C9orf50: variants seen among roughly 807,000 people sequenced by gnomAD.
C9orf50 encodes the protein chromosome 9 open reading frame 50.
C9orf50 carries 33 observed loss-of-function variants against 42.5 expected under a neutral mutation model. That is an observed-to-expected ratio of 0.78 (90% CI 0.59 to 1.04). The LOEUF is 1.04. Among genes scored for constraint, C9orf50 ranks in the 50% least tolerant of loss-of-function variants. C9orf50 has a pLI of 0.00. For synonymous variants in C9orf50, 257 were observed against 273.4 expected (o/e 0.94, Z 0.59); for missense variants, 547 against 594.3 (o/e 0.92, Z 0.83).
chr9:129,620,730 G>T lies in C9orf50; in HGVS notation c.-156C>A. On this transcript the variant is annotated 5_prime_UTR_variant, in exon 1 of 7. Coordinates refer to ENST00000372478, the Ensembl canonical transcript of C9orf50. This position sits in a 1 kb window ranked among gnomAD's most constrained non-coding sequence, Gnocchi z 5.8. The stretch of plus-strand genomic sequence containing the variant: ...CCACCGGCCCGGCGGACAGCGAGTG[G>T]CTTCAGGCGAGAGCTCCCAGAGCCT... 1.6e-6 allele frequency: 1 copy of T among 630,588 alleles called. No individual in the cohort carries two copies. The highest frequency in any genetic ancestry group is 2.3e-6 in the Non-Finnish European group (1 of 439,644). The allele number at this position is 630,588 out of a possible 1,614,324, so 39.1% of individuals were successfully genotyped here. A position where few individuals can be genotyped will look rare whatever the true frequency, so the allele number is the denominator to read the frequency against.
intron 3 of C9orf50, among the ~76,000 whole-genome samples, chr9:129,617,262 G>A (rs1830438331): frequency 6.6e-6 from 1 of 152,178 alleles, no homozygotes; most frequent in Non-Finnish European, 1.5e-5. Flanking sequence ...AGCCTCCAAA[G>A]AGCCAAGCAG....
intron 4 of C9orf50, 116 bp downstream of exon 4, chr9:129,615,368 G>T: frequency 8.9e-7 from 1 of 1,125,040 alleles, no homozygotes. Flanking sequence ...CAGGATCACT[G>T]ATCTCTTGGC....
chr9:129,614,409 G>C lies in C9orf50; in HGVS notation c.881-812C>G, dbSNP rs2118858862. Among the ~76,000 whole-genome samples the C allele has an allele frequency of 6.6e-6, 1 of 152,318 alleles. No homozygotes were observed. Among genetic ancestry groups the C allele is most frequent in the South Asian group, 2.1e-4 (1 of 4,830 alleles). The stretch of plus-strand genomic sequence containing the variant: ...GTTTGCAGGGCATCGCCCACAGCTA[G>C]ACCTTGAGGCAGACATTTCCTGAAA... On this transcript the variant is annotated intron_variant, in intron 4 of 6. Coordinates refer to ENST00000372478, the Ensembl canonical transcript of C9orf50. This position sits in a 1 kb window ranked among gnomAD's most constrained non-coding sequence, Gnocchi z 4.4.
Position 129,613,589 on chromosome 9 carries a change from T to C in C9orf50, c.889A>G (p.Ser297Gly), listed in dbSNP as rs770823983. 6.2e-7 allele frequency: 1 copy of C among 1,614,004 alleles called. No individual in the cohort carries two copies. The highest frequency in any genetic ancestry group is 8.5e-7 in the Non-Finnish European group (1 of 1,179,998). The change falls in exon 5 of 7, where the codon AGC (serine) becomes GGC (glycine). Residue 297 changes from serine to glycine, a missense_variant. Around this residue, in one of 3 missense-constraint regions of C9orf50, gnomAD observed 334 missense variants for 323.7 expected, o/e 1.03. Coordinates refer to ENST00000372478, the Ensembl canonical transcript of C9orf50. This position sits in a 1 kb window ranked among gnomAD's most constrained non-coding sequence, Gnocchi z 6.2. ...GCGGCCTTCTGGTTCACAATGACGC[T>C]CTGTTGGACTGCAGGAAAGAGGGCA... is the stretch of plus-strand genomic sequence containing the variant.
intron 6 of C9orf50, among the ~76,000 whole-genome samples, chr9:129,612,834 A>C (rs1830155038): frequency 6.6e-6 from 1 of 152,158 alleles, no homozygotes; most frequent in Non-Finnish European, 1.5e-5. Flanking sequence ...TGTCTCAAAA[A>C]AGCAAAGAGA....
rs772687726 is a variant in C9orf50, at chr9:129,620,606, C to T, written c.-32G>A. The T allele has an allele frequency of 1.5e-6, 2 of 1,309,752 alleles. No individual in the cohort carries two copies. Among genetic ancestry groups the T allele is most frequent in the Admixed American group, 3.1e-5 (1 of 32,358 alleles). The allele number at this position is 1,309,752 out of a possible 1,614,324, so 81.1% of individuals were successfully genotyped here. On this transcript the variant is annotated 5_prime_UTR_variant, in exon 1 of 7. The change abolishes the stop of an existing upstream ORF in the 5' untranslated region. Coordinates refer to ENST00000372478, the Ensembl canonical transcript of C9orf50. The surrounding 1 kb of genome is among the most constrained non-coding windows in gnomAD (Gnocchi z 5.8). ...CCCCGCACTCAGCTCACCGCACCCT[C>T]AGCGCGCGTGGGTGGGGGGCGCCGG... is the stretch of plus-strand genomic sequence containing the variant.
chr9:129,619,927 G>C, intron 1 of C9orf50, 97 bp from the exon 2 acceptor site: 3 of 1,505,666 alleles, frequency 2.0e-6, no homozygotes, highest in African/African-American at 1.4e-5. Context: ...CTCAAGGACG[G>C]GTTGCGAGGG....
rs531243205 is a variant in C9orf50, at chr9:129,613,468, A to G, written c.1010T>C (p.Leu337Pro). The change falls in exon 5 of 7, where the codon CTG (leucine) becomes CCG (proline). Residue 337 changes from leucine to proline, a missense_variant. Transcript: ENST00000372478. The surrounding 1 kb of genome is among the most constrained non-coding windows in gnomAD (Gnocchi z 6.2). ...GCAGTCCCAACACGAGGAGCTGGCCAGGGTCTCCTCCTTGGCCCCAGGGTA... is the reference window on the plus strand; with the variant it reads ...GCAGTCCCAACACGAGGAGCTGGCCGGGGTCTCCTCCTTGGCCCCAGGGTA... 8.1e-6 allele frequency: 13 copies of G among 1,614,072 alleles called. No individual in the cohort carries two copies. The East Asian group carries it at 2.0e-4, about 25-fold the overall frequency.
chr9:129,620,166 C>CG lies in C9orf50; in HGVS notation c.408dup (p.Asp137ArgfsTer17), dbSNP rs1237230666. 1 of 1,461,078 alleles carries CG rather than the reference C, an allele frequency of 6.8e-7. No homozygotes were observed. The highest frequency in any genetic ancestry group is 2.7e-5 in the Admixed American group (1 of 37,510). 90.5% of individuals were successfully genotyped at this position (1,461,078 alleles called of 1,614,324 possible). ...TCTCCTAGGAAGGCGCCCAAGAAGT[C>CG]GGGGTCCTCCCTGGCCACGCGCCTC... On this transcript the variant is annotated frameshift_variant, in exon 1 of 7. Coordinates refer to ENST00000372478, the Ensembl canonical transcript of C9orf50. LOFTEE classifies it high-confidence loss of function. The surrounding 1 kb of genome is among the most constrained non-coding windows in gnomAD (Gnocchi z 5.8).
chr9:129,617,683 G>A (rs7849954), intron 3 of C9orf50, among the ~76,000 whole-genome samples: 6 of 143,486 alleles, frequency 4.2e-5, no homozygotes, highest in African/African-American at 1.6e-4. Context: ...CACTGTTTTT[G>A]TTTGTTTGTT....
chr9:129,617,650 T>C (rs1830457430), intron 3 of C9orf50, among the ~76,000 whole-genome samples: 1 of 152,184 alleles, frequency 6.6e-6, no homozygotes, highest in East Asian at 1.9e-4. Flanking sequence ...TGGTTGAACG[T>C]TCTGAGGTTG....
In C9orf50 at chr9:129,620,472, G is replaced by T; in HGVS notation, c.103C>A (p.Leu35Met). The T allele has an allele frequency of 7.3e-7, 1 of 1,370,198 alleles. No individual in the cohort carries two copies. The highest frequency in any genetic ancestry group is 9.5e-7 in the Non-Finnish European group (1 of 1,056,590). The allele number at this position is 1,370,198 out of a possible 1,614,324, so 84.9% of individuals were successfully genotyped here. Residue 35 changes from leucine (L) to methionine (M), a missense_variant, in exon 1 of 7, where the codon CTG becomes ATG. Leu to Met is a conservative substitution (Grantham distance 15). Transcript: ENST00000372478. The surrounding 1 kb of genome is among the most constrained non-coding windows in gnomAD (Gnocchi z 5.8). The stretch of plus-strand genomic sequence containing the variant: ...GCCGCTCGGAGCGCGGGCGGGGTCA[G>T]CTTGGGCAGCCGCGGGTCGCTGCTG...
intron 3 of C9orf50, among the ~76,000 whole-genome samples, chr9:129,616,584 T>A (rs1830401266): frequency 6.6e-6 from 1 of 152,174 alleles, no homozygotes. Flanking sequence ...TGGCCTTTGG[T>A]AGACTGTCTC....
chr9:129,620,423 T>C lies in C9orf50; in HGVS notation c.152A>G (p.Asp51Gly), dbSNP rs141348351. ...GGCGCCGCCCCCCGGGATCCTCCAG[T>C]CCCCGGAGCCCCGCGCGCCCAGAGC... The change falls in exon 1 of 7, where the codon GAC becomes GGC. Residue 51 changes from aspartate (D) to glycine (G), a missense_variant. By Grantham distance (94) the Asp-to-Gly change is moderately conservative. This residue lies in a region of C9orf50 where 105 missense variants were observed against 98.5 expected (regional missense o/e 1.07). Coordinates refer to ENST00000372478, the Ensembl canonical transcript of C9orf50. The surrounding 1 kb of genome is among the most constrained non-coding windows in gnomAD (Gnocchi z 5.8). 0.024 allele frequency: 29,783 copies of C among 1,253,376 alleles called. 537 individuals are homozygous for C. The highest frequency in any genetic ancestry group is 0.078 in the East Asian group (2,471 of 31,566). 77.6% of individuals were successfully genotyped at this position (1,253,376 alleles called of 1,614,324 possible). A position where few individuals can be genotyped will look rare whatever the true frequency, so the allele number is the denominator to read the frequency against.
chr9:129,620,041 G>GC lies in C9orf50; in HGVS notation c.508+25dup. 1 of 1,452,354 alleles carries GC rather than the reference G, an allele frequency of 6.9e-7. No individual in the cohort carries two copies. The highest frequency in any genetic ancestry group is 9.1e-7 in the Non-Finnish European group (1 of 1,100,426). The allele number at this position is 1,452,354 out of a possible 1,614,324, so 90.0% of individuals were successfully genotyped here. On this transcript the variant is annotated intron_variant, in intron 1 of 6. Transcript: ENST00000372478. This position sits in a 1 kb window ranked among gnomAD's most constrained non-coding sequence, Gnocchi z 5.8. ...CCCCCACCGGAAATGACTCGGGCCC[G>GC]CCCCCCGGGCCCCGCGGGGCCTCAC...
chr9:129,617,016 G>A (rs1830422926), intron 3 of C9orf50, among the ~76,000 whole-genome samples: 1 of 151,926 alleles, frequency 6.6e-6, no homozygotes, highest in Admixed American at 6.6e-5. Context: ...GCAGTGAGCC[G>A]AGATCGTGCC....
exon 7 of C9orf50, chr9:129,612,316 T>C (rs1830132188): frequency 3.2e-6 from 5 of 1,572,758 alleles, no homozygotes; most frequent in Non-Finnish European, 4.4e-6. Flanking sequence ...GCCTGGCCCA[T>C]GTGTGCCCCT....
At chr9:129,618,507 AGAT>A (rs1830501647) in intron 3 of C9orf50, among the ~76,000 whole-genome samples, 1 of 152,152 alleles carries the variant, frequency 6.6e-6, no homozygotes, top group Non-Finnish European at 1.5e-5. Flanking sequence ...GTAGATGGAC[AGAT>A]GCGTGGCTGG....
chr9:129,612,497 G>A (rs967747951), intron 6 of C9orf50, 43 bp from the exon 7 acceptor site: 10 of 1,502,482 alleles, frequency 6.7e-6, no homozygotes, highest in East Asian at 2.3e-5. Flanking sequence ...CCAGGACCTC[G>A]GGGCAGGGGA....
Sources: gnomAD v4.1 joint callset for allele counts (sites outside exome capture counted in the v4.1 genomes callset) on GRCh38, gnomAD v4.1.1 for gene constraint, gnomAD v4.1.1 regional missense constraint, Gnocchi (gnomAD v3.1) non-coding constraint, MANE v1.5 for transcripts, NCBI Gene and HGNC (gene_info 2026-07-23, HGNC 2026-07-21) for gene names.